Variants in ZDHHC1 observed in about 807,000 individuals in gnomAD.
The protein encoded by ZDHHC1 is palmitoyltransferase ZDHHC1.
A neutral mutation model predicts 46.9 loss-of-function variants in ZDHHC1; 45 were observed. The observed-to-expected ratio is 0.96, with a 90% CI of 0.76 to 1.23. The LOEUF (loss-of-function observed/expected upper bound fraction) is 1.23, where lower values mean the gene tolerates loss of function less well. ZDHHC1 is among the 50% of genes most tolerant of loss of function. The pLI, the probability that ZDHHC1 is intolerant of heterozygous loss-of-function variation, is 0.00. For synonymous variants in ZDHHC1, 291 were observed against 286.0 expected (o/e 1.02, Z -0.18); for missense variants, 649 against 670.8 (o/e 0.97, Z 0.36).
intron 8 of ZDHHC1, among the ~76,000 whole-genome samples, chr16:67,397,119 C>T (rs1384341654): frequency 6.6e-6 from 1 of 152,220 alleles, no homozygotes; most frequent in Non-Finnish European, 1.5e-5. Context: ...CCCGGGTTTG[C>T]CTCCCTCAAG....
At position 67,394,665 on chromosome 16, in the gene ZDHHC1, C is replaced by G; in HGVS notation, c.1394G>C (p.Ser465Thr). The change falls in exon 12 of 12, where the codon AGC becomes ACC. Residue 465 changes from serine to threonine, a missense_variant. By Grantham distance (58) the Ser-to-Thr change is moderately conservative (BLOSUM62 1). Coordinates refer to ENST00000565726, the MANE Select transcript of ZDHHC1 (RefSeq NM_001323627.2). ...CGCCCTGGGCTCGCCGCTGCTCGGG[C>G]TCACGAAAACGGCGGGCGCACGCGC... is the stretch of plus-strand genomic sequence containing the variant. ...RQARAPAVFV[S>T]PSSGEPRAPG... 8.0e-7 allele frequency: 1 copy of G among 1,247,654 alleles called. No individual in the cohort carries two copies. Among genetic ancestry groups the G allele is most frequent in the Non-Finnish European group, 1.0e-6 (1 of 998,480 alleles). 77.3% of individuals were successfully genotyped at this position (1,247,654 alleles called of 1,614,324 possible). A position where few individuals can be genotyped will look rare whatever the true frequency, so the allele number is the denominator to read the frequency against.
At chr16:67,415,934 T>C (rs2040827550) in intron 1 of ZDHHC1, among the ~76,000 whole-genome samples, 1 of 152,136 alleles carries the variant, frequency 6.6e-6, no homozygotes, top group Non-Finnish European at 1.5e-5. Flanking sequence ...ACAGACCACG[T>C]CTGTTGGGAG....
At chr16:67,399,552 A>C (rs2040507087) in intron 4 of ZDHHC1, 96 bp from the exon 5 acceptor site, 1 of 1,018,888 alleles carries the variant, frequency 9.8e-7, no homozygotes, top group African/African-American at 1.6e-5. Flanking sequence ...TGGAGGGACC[A>C]AGCGCCAGGC....
intron 10 of ZDHHC1, 61 bp downstream of exon 10, chr16:67,395,126 G>C: frequency 6.2e-7 from 1 of 1,613,208 alleles, no homozygotes. Context: ...CGAGCGCCAG[G>C]GTAGAGGCTT....
At position 67,398,645 on chromosome 16, in the gene ZDHHC1, C is replaced by T. The variant is rs759249026; in HGVS notation, c.742G>A (p.Ala248Thr). 3.7e-6 allele frequency: 6 copies of T among 1,606,480 alleles called. No homozygotes were observed. The highest frequency in any genetic ancestry group is 1.3e-5 in the African/African-American group (1 of 74,896). The change falls in exon 7 of 12, where the codon GCC becomes ACC. Residue 248 changes from alanine (A) to threonine (T), a missense_variant. Ala to Thr is a moderately conservative substitution (Grantham distance 58). Coordinates refer to ENST00000565726, the MANE Select transcript of ZDHHC1 (RefSeq NM_001323627.2). Reference sequence around the variant, plus strand: ...AGGAGGCCCAGAAGGATGAGCAGGGCGGCCAGGGCCAGGATGGCAGGGGCC... The same window carrying T: ...AGGAGGCCCAGAAGGATGAGCAGGGTGGCCAGGGCCAGGATGGCAGGGGCC... ...TQAPAILALAALLILLGLLST... is the reference protein window; with the variant it reads ...TQAPAILALATLLILLGLLST...
chr16:67,395,314 T>C, intron 9 of ZDHHC1, 34 bp from the exon 10 acceptor site: 3 of 1,501,140 alleles, frequency 2.0e-6, no homozygotes, highest in Non-Finnish European at 2.7e-6. Flanking sequence ...GCCTGGGGCC[T>C]GTTCCCCAAA....
Position 67,398,491 on chromosome 16 carries a change from T to G in ZDHHC1, c.814+82A>C, listed in dbSNP as rs531421345. 2.4e-5 allele frequency: 37 copies of G among 1,538,026 alleles called. No individual in the cohort carries two copies. In the African/African-American group the frequency reaches 4.8e-4, roughly 20 times the overall value. On this transcript the variant is annotated intron_variant, in intron 7 of 11. Transcript: ENST00000565726. ...GCCCATACTAGGCAGGGGCATGGTTTCAGGGTCCACCGTCCAACTGGGCAC... is the reference window on the plus strand; with the variant it reads ...GCCCATACTAGGCAGGGGCATGGTTGCAGGGTCCACCGTCCAACTGGGCAC...
At chr16:67,408,087 T>C (rs2040694088) in intron 1 of ZDHHC1, among the ~76,000 whole-genome samples, 1 of 152,126 alleles carries the variant, frequency 6.6e-6, no homozygotes, top group African/African-American at 2.4e-5. Context: ...GACCTCTGAG[T>C]TGTCCCATCT....
intron 8 of ZDHHC1, among the ~76,000 whole-genome samples, chr16:67,397,541 C>T (rs2040456004): frequency 6.6e-6 from 1 of 152,160 alleles, no homozygotes; most frequent in Non-Finnish European, 1.5e-5. Flanking sequence ...TGTCCAGTTG[C>T]CATGAGGCCT....
intron 1 of ZDHHC1, 106 bp from the exon 2 acceptor site, chr16:67,407,919 C>A: frequency 1.5e-6 from 1 of 679,950 alleles, no homozygotes; most frequent in Non-Finnish European, 2.8e-6. Context: ...GCCCTGCCCT[C>A]TTTCTGCAGG....
At chr16:67,413,938 C>CA (rs974752448) in intron 1 of ZDHHC1, among the ~76,000 whole-genome samples, 2,270 of 60,078 alleles carry the variant, frequency 0.038, 48 homozygotes, top group East Asian at 0.043. Flanking sequence ...GACTCCGTCT[C>CA]AAAAAAAAAA....
At position 67,406,137 on chromosome 16, in the gene ZDHHC1, C is replaced by T. The variant is rs2040650766; in HGVS notation, c.252+63G>A. 1 of 1,559,734 alleles carries T rather than the reference C, an allele frequency of 6.4e-7. No individual in the cohort carries two copies. The highest frequency in any genetic ancestry group is 1.4e-5 in the African/African-American group (1 of 73,862). ...CTCTCAACCCGGCTTTGGGCCTCCG[C>T]TGTGCCAGCCATCCTTTGCCTCCCC... On this transcript the variant is annotated intron_variant, in intron 3 of 11. Coordinates refer to ENST00000565726, the MANE Select transcript of ZDHHC1 (RefSeq NM_001323627.2). The surrounding 1 kb of genome is among the most constrained non-coding windows in gnomAD (Gnocchi z 4.1).
In ZDHHC1 at chr16:67,400,969, C is replaced by G. The variant is rs749786106; in HGVS notation, c.416G>C (p.Cys139Ser). 2 of 1,613,892 alleles carry G rather than the reference C, an allele frequency of 1.2e-6. No individual in the cohort carries two copies. ...CACACACACTCACACATCCACGTTG[C>G]ACAAGTTGCAGTGCAGGTCTTCAAT... Reference protein sequence around the residue: ...HVIEDLHCNLCNVDVSARSKH... With the variant: ...HVIEDLHCNLSNVDVSARSKH... Residue 139 changes from cysteine (C) to serine (S), a missense_variant, in exon 4 of 12, where the codon TGC becomes TCC. Transcript: ENST00000565726.
chr16:67,397,591 C>A (rs1216606531), intron 8 of ZDHHC1, among the ~76,000 whole-genome samples: 4 of 152,196 alleles, frequency 2.6e-5, no homozygotes, highest in Non-Finnish European at 5.9e-5. Context: ...AAAGCCTGCC[C>A]GGGCCCCGCC....
At chr16:67,409,421 C>T (rs2040715775) in intron 1 of ZDHHC1, among the ~76,000 whole-genome samples, 2 of 152,172 alleles carry the variant, frequency 1.3e-5, no homozygotes, top group South Asian at 4.1e-4. Flanking sequence ...TTGTCTGAGG[C>T]TGTGGATGTG....
In ZDHHC1 at chr16:67,394,725, C is replaced by A; in HGVS notation, c.1334G>T (p.Arg445Leu). 1.4e-6 allele frequency: 2 copies of A among 1,382,168 alleles called. No individual in the cohort carries two copies. Among genetic ancestry groups the A allele is most frequent in the South Asian group, 1.6e-5 (1 of 62,068 alleles). 85.6% of individuals were successfully genotyped at this position (1,382,168 alleles called of 1,614,324 possible). The change falls in exon 12 of 12, where the codon CGG becomes CTG. Residue 445 changes from arginine (R) to leucine (L), a missense_variant. Physicochemically the swap from Arg to Leu is moderately radical, Grantham distance 102. Transcript: ENST00000565726. ...RLGSAALAAP[R>L]GRGRQPTLAR... The stretch of plus-strand genomic sequence containing the variant: ...CAGCGTGGGCTGTCGGCCCCGGCCC[C>A]GCGGGGCGGCCAGAGCGGCGCTGCC...
chr16:67,395,595 G>A (rs1224039416), intron 8 of ZDHHC1, 29 bp from the exon 9 acceptor site: 4 of 1,550,226 alleles, frequency 2.6e-6, no homozygotes, highest in Admixed American at 3.9e-5. Flanking sequence ...AAGGAGGCTG[G>A]GAGGCCAGGT....
chr16:67,398,554 A>G lies in ZDHHC1; in HGVS notation c.814+19T>C. On this transcript the variant is annotated intron_variant, in intron 7 of 11. Coordinates refer to ENST00000565726, the MANE Select transcript of ZDHHC1 (RefSeq NM_001323627.2). ...TGAGGACCCCTGCGTTCCAGAAGGC[A>G]GGTGCAGGAGGCACTTACTGAGATA... The G allele has an allele frequency of 6.3e-7, 1 of 1,584,150 alleles. No individual in the cohort carries two copies. The highest frequency in any genetic ancestry group is 1.3e-5 in the African/African-American group (1 of 74,628).
Position 67,395,506 on chromosome 16 carries a change from C to G in ZDHHC1, c.988G>C (p.Gly330Arg). The G allele has an allele frequency of 1.3e-6, 2 of 1,554,700 alleles. No individual in the cohort carries two copies. The highest frequency in any genetic ancestry group is 1.7e-6 in the Non-Finnish European group (2 of 1,148,508). Residue 330 changes from glycine (G) to arginine (R), a missense_variant, in exon 9 of 12, where the codon GGG (glycine) becomes CGG (arginine). Physicochemically the swap from Gly to Arg is moderately radical, Grantham distance 125. Coordinates refer to ENST00000565726, the MANE Select transcript of ZDHHC1 (RefSeq NM_001323627.2). ...CACTTGGCATTCACTGCTGCTGGCCCGGCCTGGCCAGGGGGCTCTGGGCGC... is the reference window on the plus strand; with the variant it reads ...CACTTGGCATTCACTGCTGCTGGCCGGGCCTGGCCAGGGGGCTCTGGGCGC... ...HMRPEPPGQA[G>R]PAAVNANPSQ... is the part of the protein sequence containing the mutation.
Sources: gnomAD v4.1 joint callset for allele counts (sites outside exome capture counted in the v4.1 genomes callset) on GRCh38, gnomAD v4.1.1 for gene constraint, Gnocchi (gnomAD v3.1) non-coding constraint, MANE v1.5 for transcripts, NCBI Gene and HGNC (gene_info 2026-07-23, HGNC 2026-07-21) for gene names.